Variants in CSAD observed in about 807,000 individuals in gnomAD.
CSAD encodes P-selectin cytoplasmic tail-associated protein.
In CSAD, 47 loss-of-function variants were observed where a neutral mutation model predicts 61.5. The observed-to-expected ratio is 0.76, with a 90% confidence interval of 0.60 to 0.97. CSAD has a LOEUF of 0.97. CSAD is among the 50% of genes least tolerant of loss of function. The pLI is 0.00. For synonymous variants in CSAD, 245 were observed against 252.7 expected, an observed-to-expected ratio of 0.97 and a Z score of 0.29; for missense variants, 611 against 643.6, an observed-to-expected ratio of 0.95 and a Z score of 0.55.
intron 10 of CSAD, 57 bp from the exon 11 acceptor site, chr12:53,161,446 GC>G: frequency 7.0e-7 from 1 of 1,424,780 alleles, no homozygotes; most frequent in Admixed American, 1.7e-5. Flanking sequence ...GCTACTCAGA[GC>G]CTGATGCTGG....
chr12:53,160,103 C>T lies in CSAD; in HGVS notation c.1166+17G>A, dbSNP rs1209277623. On this transcript the variant is annotated intron_variant, in intron 14 of 16. Coordinates refer to ENST00000444623, the MANE Select transcript of CSAD (RefSeq NM_001244705.2). ...GGAGAGGGGAACAGGGACGACCCCCCACCTCCTCCCGCCTACCGGGCAAGG... is the reference window on the plus strand; with the variant it reads ...GGAGAGGGGAACAGGGACGACCCCCTACCTCCTCCCGCCTACCGGGCAAGG... 1.9e-6 allele frequency: 3 copies of T among 1,612,064 alleles called. No homozygotes were observed. The highest frequency in any genetic ancestry group is 2.7e-5 in the African/African-American group (2 of 75,030).
At chr12:53,173,641 G>C (rs1383897783) in intron 3 of CSAD, 87 bp downstream of exon 3, 14 of 1,431,400 alleles carry the variant, frequency 9.8e-6, no homozygotes, top group Non-Finnish European at 1.3e-5. Flanking sequence ...GAGAAAACCA[G>C]TGGGAACAGG....
Position 53,158,526 on chromosome 12 carries a change from T to C in CSAD, c.1467A>G (p.Leu489=). 1 of 1,613,302 alleles carries C rather than the reference T, an allele frequency of 6.2e-7. No homozygotes were observed. The highest frequency in any genetic ancestry group is 2.2e-5 in the East Asian group (1 of 44,870). Residue 489 remains leucine, a synonymous_variant, in exon 17 of 17, where the codon CTA becomes CTG. Coordinates refer to ENST00000444623, the MANE Select transcript of CSAD (RefSeq NM_001244705.2). The part of the protein sequence containing the change: ...MDFLLNELER[L]GQDL ...CAGAGAAGGCTCACAGGTCCTGGCCTAGCCGCTCCAGCTCGTTGAGGAGGA... is the reference window on the plus strand; with the variant it reads ...CAGAGAAGGCTCACAGGTCCTGGCCCAGCCGCTCCAGCTCGTTGAGGAGGA...
chr12:53,170,665 G>C, intron 8 of CSAD, 163 bp from the exon 9 acceptor site: 1 of 642,048 alleles, frequency 1.6e-6, no homozygotes, highest in South Asian at 1.8e-5. Flanking sequence ...ATGAAATGCA[G>C]GTTCTGGTCC....
intron 2 of CSAD, among the ~76,000 whole-genome samples, chr12:53,176,100 T>C (rs1941080395): frequency 6.9e-6 from 1 of 144,922 alleles, no homozygotes; most frequent in African/African-American, 2.5e-5. Context: ...ACCATAAGAA[T>C]ACAAGAAGGG....
chr12:53,161,321 C>T lies in CSAD; in HGVS notation c.771G>A (p.Glu257=), dbSNP rs988111869. The change falls in exon 11 of 17, where the codon GAG becomes GAA. Residue 257 remains glutamate, a synonymous_variant. Transcript: ENST00000444623. ...GACGCTGGCACACATCAGCAATTGC[C>T]TCCAGGGGGTCAAAGGCCCCTAGCA... ...TTVLGAFDPL[E]AIADVCQRHG... is the part of the protein sequence containing the mutation. The T allele has an allele frequency of 6.2e-7, 1 of 1,613,990 alleles. No individual in the cohort carries two copies. Among genetic ancestry groups the T allele is most frequent in the Non-Finnish European group, 8.5e-7 (1 of 1,180,032 alleles).
In CSAD at chr12:53,173,402, G is replaced by A. The variant is rs776345213; in HGVS notation, c.69C>T (p.Ala23=). The stretch of plus-strand genomic sequence containing the variant: ...CCTCATCCACAACAACCCCAAACAC[G>A]GCCCGGAGCAAGGCTTCCACAGCCA... ...DPVAVEALLR[A]VFGVVVDEAI... Residue 23 remains alanine, a synonymous_variant, in exon 4 of 17, where the codon GCC becomes GCT. Transcript: ENST00000444623. The A allele has an allele frequency of 3.7e-6, 6 of 1,614,092 alleles. No individual in the cohort carries two copies. The highest frequency in any genetic ancestry group is 3.3e-5 in the Admixed American group (2 of 59,998).
intron 10 of CSAD, among the ~76,000 whole-genome samples, chr12:53,165,102 T>C (rs1939739835): frequency 6.6e-6 from 1 of 152,158 alleles, no homozygotes; most frequent in African/African-American, 2.4e-5. Context: ...GGAGAATGGC[T>C]TGAGCCTAGG....
chr12:53,176,752 A>C (rs940663084), intron 2 of CSAD, among the ~76,000 whole-genome samples: 4 of 152,048 alleles, frequency 2.6e-5, no homozygotes, highest in Non-Finnish European at 4.4e-5. Context: ...ATTATTTTAG[A>C]GAATAAGTTT....
intron 8 of CSAD, 49 bp from the exon 9 acceptor site, chr12:53,170,551 G>A (rs1379529300): frequency 4.8e-6 from 7 of 1,449,688 alleles, no homozygotes; most frequent in Non-Finnish European, 5.8e-6. Flanking sequence ...TGGGGGAGGG[G>A]AGAGAAGGTA....
chr12:53,173,499 C>A, intron 3 of CSAD, 23 bp from the exon 4 acceptor site: 2 of 1,614,098 alleles, frequency 1.2e-6, no homozygotes, highest in Middle Eastern at 3.3e-4. Flanking sequence ...AGAGTCATTC[C>A]CTACTCAGCC....
chr12:53,165,375 C>T (rs1181475702), intron 10 of CSAD, among the ~76,000 whole-genome samples: 4 of 148,784 alleles, frequency 2.7e-5, no homozygotes, highest in African/African-American at 7.4e-5. Context: ...AAATAACAAG[C>T]GTTGGCCAGG....
At chr12:53,169,814 C>T (rs1042242543) in intron 10 of CSAD, among the ~76,000 whole-genome samples, 1 of 152,038 alleles carries the variant, frequency 6.6e-6, no homozygotes, top group African/African-American at 2.4e-5. Flanking sequence ...GCCCCCAGCA[C>T]CCTCCCTGTG....
At chr12:53,160,409 C>A in intron 13 of CSAD, 90 bp from the exon 14 acceptor site, 1 of 1,304,122 alleles carries the variant, frequency 7.7e-7, no homozygotes, top group South Asian at 1.2e-5. Flanking sequence ...GCTCAGGATA[C>A]CCTCTTCTTT....
Position 53,168,995 on chromosome 12 carries a change from C to T in CSAD, c.702+1077G>A, listed in dbSNP as rs1346928907. Reference sequence around the variant, plus strand: ...AGGAGTTCAAGACCAGCCTGGCCGACGTGGTGAAACCCCATCTCTACTAAA... The same window carrying T: ...AGGAGTTCAAGACCAGCCTGGCCGATGTGGTGAAACCCCATCTCTACTAAA... On this transcript the variant is annotated intron_variant, in intron 10 of 16. Coordinates refer to ENST00000444623, the MANE Select transcript of CSAD (RefSeq NM_001244705.2). Among the ~76,000 whole-genome samples the T allele has an allele frequency of 2.6e-5, 4 of 151,758 alleles. No homozygotes were observed. The East Asian group carries it at 5.8e-4, about 22-fold the overall frequency.
At chr12:53,166,719 C>T (rs1453421497) in intron 10 of CSAD, among the ~76,000 whole-genome samples, 1 of 152,074 alleles carries the variant, frequency 6.6e-6, no homozygotes, top group Non-Finnish European at 1.5e-5. Flanking sequence ...TCGCTTGAAC[C>T]CAGGAGGCAG....
intron 12 of CSAD, 93 bp from the exon 13 acceptor site, chr12:53,160,937 C>T (rs940504734): frequency 1.0e-5 from 13 of 1,280,672 alleles, no homozygotes; most frequent in African/African-American, 3.0e-5. Flanking sequence ...AGCAAAGGGG[C>T]TTTGGTCTCA....
At chr12:53,174,637 A>G (rs1343025654) in intron 2 of CSAD, among the ~76,000 whole-genome samples, 1 of 151,996 alleles carries the variant, frequency 6.6e-6, no homozygotes, top group Non-Finnish European at 1.5e-5. Flanking sequence ...CTACTAAAAA[A>G]TACACAATTA....
chr12:53,169,971 TGGA>T, intron 10 of CSAD, 98 bp downstream of exon 10: 1 of 1,010,332 alleles, frequency 9.9e-7, no homozygotes. Flanking sequence ...GAGATGGGCA[TGGA>T]GACGAGAGGG....
Sources: allele counts gnomAD v4.1 joint callset (sites outside exome capture counted in the v4.1 genomes callset), GRCh38; gene constraint gnomAD v4.1.1; transcripts MANE v1.5; gene names NCBI Gene and HGNC (gene_info 2026-07-23, HGNC 2026-07-21).